Variants in APBA1 observed in about 807,000 individuals in gnomAD.
APBA1 encodes amyloid-beta A4 precursor protein-binding family A member 1.
In APBA1, 55 loss-of-function variants were observed where a neutral mutation model predicts 86.6. That is an observed-to-expected ratio of 0.64 (90% CI 0.51 to 0.80). The LOEUF is 0.80. Ranked by LOEUF, APBA1 falls within the 30% of genes least tolerant of loss-of-function variation. The probability of loss-of-function intolerance (pLI) is 0.00; values close to 1 mark genes in which losing one functional copy is unlikely to be tolerated. For missense variants in APBA1, 1,090 were observed against 1,183.0 expected (o/e 0.92, Z 1.15); for synonymous variants, 511 against 493.9 (o/e 1.03, Z -0.46).
At chr9:69,664,228 C>T (rs1823805307) in intron 1 of APBA1, among the ~76,000 whole-genome samples, 1 of 152,100 alleles carries the variant, frequency 6.6e-6, no homozygotes, top group Non-Finnish European at 1.5e-5. Flanking sequence ...GTAAAGGAGG[C>T]CATGATTTTA....
intron 1 of APBA1, among the ~76,000 whole-genome samples, chr9:69,587,434 A>T (rs912262665): frequency 3.2e-4 from 49 of 152,188 alleles, no homozygotes; most frequent in African/African-American, 1.2e-3. Context: ...GATTGGTGTC[A>T]TTGGTGTATC....
chr9:69,547,865 G>A (rs1415587350), intron 1 of APBA1, among the ~76,000 whole-genome samples: 1 of 152,222 alleles, frequency 6.6e-6, no homozygotes, highest in African/African-American at 2.4e-5. Flanking sequence ...ACCAACCCAA[G>A]AGATGGGTTC....
intron 11 of APBA1, among the ~76,000 whole-genome samples, chr9:69,433,466 G>C (rs1834640092): frequency 6.6e-6 from 1 of 152,240 alleles, no homozygotes; most frequent in Non-Finnish European, 1.5e-5. Context: ...GTGATTCTGA[G>C]TGTGTGGCCC....
At chr9:69,658,286 C>CTTTCTTTTTCTTTCTTTCTT (rs770180947) in intron 1 of APBA1, among the ~76,000 whole-genome samples, 3 of 74,242 alleles carry the variant, frequency 4.0e-5, no homozygotes, top group East Asian at 7.5e-4. Context: ...CTTTCTTTCT[C>CTTTCTTTTTCTTTCTTTCTT]TCTCTCTTTC....
At chr9:69,433,775 A>G (rs1457696155) in intron 11 of APBA1, among the ~76,000 whole-genome samples, 1 of 151,440 alleles carries the variant, frequency 6.6e-6, no homozygotes, top group Non-Finnish European at 1.5e-5. Context: ...AAACCTTCAA[A>G]TGTATTTGGA....
At chr9:69,465,930 C>T (rs551641455) in intron 5 of APBA1, among the ~76,000 whole-genome samples, 19 of 152,300 alleles carry the variant, frequency 1.2e-4, no homozygotes, top group African/African-American at 4.6e-4. Context: ...ATCCCTGACA[C>T]ACGGAAGGAA....
intron 5 of APBA1, chr9:69,462,999 T>TG (rs1835215858): frequency 6.6e-6 from 1 of 152,114 alleles, no homozygotes; most frequent in Non-Finnish European, 1.5e-5. Context: ...CTAAGGTATA[T>TG]GGGGGCTCTC....
chr9:69,610,325 A>T (rs1189934413), intron 1 of APBA1, among the ~76,000 whole-genome samples: 2 of 152,172 alleles, frequency 1.3e-5, no homozygotes, highest in African/African-American at 4.8e-5. Context: ...GTCTCTAAAA[A>T]TAAATAAATA....
intron 2 of APBA1, among the ~76,000 whole-genome samples, chr9:69,500,056 T>C (rs1835858463): frequency 6.6e-6 from 1 of 152,108 alleles, no homozygotes; most frequent in Non-Finnish European, 1.5e-5. Context: ...ATTAGCAGTT[T>C]AGTTTGATTT....
At chr9:69,636,922 G>GGAAGGAAAGAAGGAAGGAAAGAAA (rs1331913719) in intron 1 of APBA1, among the ~76,000 whole-genome samples, 2 of 63,970 alleles carry the variant, frequency 3.1e-5, no homozygotes, top group African/African-American at 1.3e-4. Context: ...AAGGAAGGAA[G>GGAAGGAAAGAAGGAAGGAAAGAAA]GAAAGAAAGA....
chr9:69,463,052 G>A (rs1835217067), intron 5 of APBA1: 1 of 152,106 alleles, frequency 6.6e-6, no homozygotes. Context: ...AACAAAGGCA[G>A]AATGAACACA....
intron 1 of APBA1, among the ~76,000 whole-genome samples, chr9:69,623,208 G>A (rs1381221305): frequency 6.6e-6 from 1 of 152,108 alleles, no homozygotes; most frequent in Admixed American, 6.5e-5. Context: ...AGAGTGCTGG[G>A]AGTCTACTGC....
At chr9:69,598,581 G>A (rs1404591524) in intron 1 of APBA1, among the ~76,000 whole-genome samples, 1 of 152,144 alleles carries the variant, frequency 6.6e-6, no homozygotes, top group Non-Finnish European at 1.5e-5. Flanking sequence ...GAAGCAGAGG[G>A]AAGGTGGCTC....
intron 1 of APBA1, among the ~76,000 whole-genome samples, chr9:69,537,595 T>C (rs536227107): frequency 6.6e-6 from 1 of 152,226 alleles, no homozygotes; most frequent in East Asian, 1.9e-4. Context: ...GAATATTCTT[T>C]CAAAATAAGT....
chr9:69,620,148 A>T (rs1822786833), intron 1 of APBA1, among the ~76,000 whole-genome samples: 1 of 152,204 alleles, frequency 6.6e-6, no homozygotes, highest in Admixed American at 6.5e-5. Flanking sequence ...TAGATCTGGC[A>T]GTTAGTACTG....
At chr9:69,595,134 T>C (rs2085506360) in intron 1 of APBA1, among the ~76,000 whole-genome samples, 1 of 152,106 alleles carries the variant, frequency 6.6e-6, no homozygotes, top group African/African-American at 2.4e-5. Flanking sequence ...AACAAGGAGA[T>C]GAAAAAGTGA....
intron 2 of APBA1, among the ~76,000 whole-genome samples, chr9:69,505,964 A>G (rs192257350): frequency 9.9e-5 from 15 of 152,054 alleles, no homozygotes; most frequent in African/African-American, 3.6e-4. Context: ...GGTTGCAGTG[A>G]GCCAAGATCG....
chr9:69,605,620 A>C (rs1822455613), intron 1 of APBA1, among the ~76,000 whole-genome samples: 1 of 152,216 alleles, frequency 6.6e-6, no homozygotes, highest in Non-Finnish European at 1.5e-5. Context: ...CATCATTTAT[A>C]ATTAGATTCA....
chr9:69,502,623 G>A (rs1043252183), intron 2 of APBA1, among the ~76,000 whole-genome samples: 3 of 151,996 alleles, frequency 2.0e-5, no homozygotes, highest in African/African-American at 7.2e-5. Flanking sequence ...ATTCTCCACT[G>A]ACAGAAATGA....
Sources: gnomAD v4.1 joint callset for allele counts (sites outside exome capture counted in the v4.1 genomes callset) on GRCh38, gnomAD v4.1.1 for gene constraint, MANE v1.5 for transcripts, NCBI Gene and HGNC (gene_info 2026-07-23, HGNC 2026-07-21) for gene names.